ANKRD46: variants seen among roughly 807,000 people sequenced by gnomAD.
The protein encoded by ANKRD46 is ankyrin repeat domain-containing protein 46.
Under a neutral mutation model 19.8 loss-of-function variants are expected in ANKRD46, and 13 were observed. The ratio of observed to expected loss-of-function variants is 0.66; its 90% confidence interval spans 0.43 to 1.04. ANKRD46 has a LOEUF of 1.04. Among genes scored for constraint, ANKRD46 ranks in the 50% least tolerant of loss-of-function variants. ANKRD46 has a pLI of 0.00. For synonymous variants in ANKRD46, 91 were observed against 106.9 expected, an observed-to-expected ratio of 0.85 and a Z score of 0.92; for missense variants, 185 against 274.8, an observed-to-expected ratio of 0.67 and a Z score of 2.31.
At chr8:100,512,961 T>C (rs1344096940) in intron 5 of ANKRD46, among the ~76,000 whole-genome samples, 1 of 152,192 alleles carries the variant, frequency 6.6e-6, no homozygotes, top group African/African-American at 2.4e-5. Context: ...CTGGGCTCTA[T>C]TGAGGCTTTC....
At chr8:100,555,481 TAA>T (rs913208024) in intron 1 of ANKRD46, among the ~76,000 whole-genome samples, 4 of 135,926 alleles carry the variant, frequency 2.9e-5, no homozygotes, top group Non-Finnish European at 3.2e-5. Context: ...GGACTGGGAC[TAA>T]AAAAAAAAAG....
downstream of ANKRD46, among the ~76,000 whole-genome samples, chr8:100,519,801 C>T (rs1039218670): frequency 3.9e-5 from 6 of 152,260 alleles, no homozygotes; most frequent in African/African-American, 9.6e-5. Flanking sequence ...AAGCTACAGG[C>T]GCACTGTGGA....
At chr8:100,530,637 C>G (rs977641467) in intron 2 of ANKRD46, among the ~76,000 whole-genome samples, 5 of 152,114 alleles carry the variant, frequency 3.3e-5, no homozygotes, top group Non-Finnish European at 5.9e-5. Flanking sequence ...CCTGCCTTGG[C>G]CTTGCAAAAA....
rs113075891 is a variant in ANKRD46, at chr8:100,527,573, A to G, written c.470+272T>C. ...ACATGACATGTAGTACTTTCTGTTA[A>G]TAGCTTCTCAATTGTAATCTGCAGT... On this transcript the variant is annotated intron_variant, in intron 4 of 4. Coordinates refer to ENST00000335659, the MANE Select transcript of ANKRD46 (RefSeq NM_001270377.2). This position sits in a 1 kb window ranked among gnomAD's most constrained non-coding sequence, Gnocchi z 4.0. Among the ~76,000 whole-genome samples the G allele has an allele frequency of 4.7e-4, 72 of 152,366 alleles. No homozygotes were observed. The highest frequency in any genetic ancestry group is 1.7e-3 in the African/African-American group (71 of 41,586).
At chr8:100,547,039 G>A (rs1335830659) in intron 1 of ANKRD46, among the ~76,000 whole-genome samples, 1 of 152,214 alleles carries the variant, frequency 6.6e-6, no homozygotes, top group African/African-American at 2.4e-5. Context: ...ATAGGTGGAA[G>A]AGACTTGCCT....
chr8:100,514,933 C>T (rs1442080689), intron 5 of ANKRD46, among the ~76,000 whole-genome samples: 2 of 152,140 alleles, frequency 1.3e-5, no homozygotes, highest in East Asian at 3.9e-4. Context: ...AGCCACCACA[C>T]CCAGCCTTAT....
chr8:100,514,372 A>T (rs10090453), intron 5 of ANKRD46, among the ~76,000 whole-genome samples: 124,942 of 151,496 alleles, frequency 0.82, 52,078 homozygotes, highest in African/African-American at 0.88. Flanking sequence ...ATCTATTTTT[A>T]AAAAAAAAAT....
intron 2 of ANKRD46, among the ~76,000 whole-genome samples, chr8:100,530,069 A>G (rs551057940): frequency 2.6e-4 from 40 of 152,346 alleles, no homozygotes; most frequent in South Asian, 2.1e-4. Flanking sequence ...TAAAATTCCA[A>G]TTCAATTACT....
downstream of ANKRD46, among the ~76,000 whole-genome samples, chr8:100,516,713 T>TA (rs1811641150): frequency 6.6e-6 from 1 of 152,216 alleles, no homozygotes; most frequent in Admixed American, 6.5e-5. Flanking sequence ...CCTGATCAAT[T>TA]ACGCAACTCC....
rs1443736409 is a variant in ANKRD46, at chr8:100,543,614, A to C, written c.-130-10303T>G. Among the ~76,000 whole-genome samples the C allele has an allele frequency of 2.0e-5, 3 of 152,192 alleles. No individual in the cohort carries two copies. The highest frequency in any genetic ancestry group is 4.4e-5 in the Non-Finnish European group (3 of 68,020). On this transcript the variant is annotated intron_variant, in intron 1 of 4. Coordinates refer to ENST00000335659, the MANE Select transcript of ANKRD46 (RefSeq NM_001270377.2). This position sits in a 1 kb window ranked among gnomAD's most constrained non-coding sequence, Gnocchi z 4.2. Reference sequence around the variant, plus strand: ...CTTCACAGTCTTCAAACAATAGGAGAGTAAGTTTCTTGTTTTTAAATAAAT... The same window carrying C: ...CTTCACAGTCTTCAAACAATAGGAGCGTAAGTTTCTTGTTTTTAAATAAAT...
chr8:100,548,715 T>G (rs896515821), intron 1 of ANKRD46, among the ~76,000 whole-genome samples: 1 of 152,160 alleles, frequency 6.6e-6, no homozygotes, highest in Non-Finnish European at 1.5e-5. Flanking sequence ...TCAGTATAAA[T>G]GCTTAAGTAA....
Position 100,521,031 on chromosome 8 carries a change from C to G in ANKRD46, c.*1524G>C. The G allele has an allele frequency of 1.0e-6, 1 of 984,840 alleles. No homozygotes were observed. Among genetic ancestry groups the G allele is most frequent in the Non-Finnish European group, 1.2e-6 (1 of 829,856 alleles). 61.0% of individuals were successfully genotyped at this position (984,840 alleles called of 1,614,324 possible). Reference sequence around the variant, plus strand: ...CAGCTGTTTTTTGCTGGATTTACACCAACTATGATTTACTTTGTTTGTATC... The same window carrying G: ...CAGCTGTTTTTTGCTGGATTTACACGAACTATGATTTACTTTGTTTGTATC... On this transcript the variant is annotated 3_prime_UTR_variant, in exon 5 of 5. Transcript: ENST00000335659.
rs1439791219 is a variant in ANKRD46, at chr8:100,545,512, C to A, written c.-130-12201G>T. 6.6e-6 allele frequency among the ~76,000 whole-genome samples: 1 copy of A among 152,196 alleles called. No homozygotes were observed. The highest frequency in any genetic ancestry group is 1.5e-5 in the Non-Finnish European group (1 of 68,034). On this transcript the variant is annotated intron_variant, in intron 1 of 4. Coordinates refer to ENST00000335659, the MANE Select transcript of ANKRD46 (RefSeq NM_001270377.2). This position sits in a 1 kb window ranked among gnomAD's most constrained non-coding sequence, Gnocchi z 4.7. ...TCTAAGTTCCTTGAAGCCTCCCCAGCCATGTGGAACTGTGTATCAATTAAA... is the reference window on the plus strand; with the variant it reads ...TCTAAGTTCCTTGAAGCCTCCCCAGACATGTGGAACTGTGTATCAATTAAA...
Position 100,536,179 on chromosome 8 carries a change from A to G in ANKRD46, c.-130-2868T>C, listed in dbSNP as rs1314836478. On this transcript the variant is annotated intron_variant, in intron 1 of 4. Transcript: ENST00000335659. The surrounding 1 kb of genome is among the most constrained non-coding windows in gnomAD (Gnocchi z 4.9). The stretch of plus-strand genomic sequence containing the variant: ...CTAATAAAAGTGTGAATAATGAACC[A>G]GTAATCTTTCAAGATTCACTGAGGA... Among the ~76,000 whole-genome samples the G allele has an allele frequency of 1.3e-5, 2 of 152,206 alleles. No homozygotes were observed. The highest frequency in any genetic ancestry group is 2.9e-5 in the Non-Finnish European group (2 of 68,028).
In ANKRD46 at chr8:100,546,617, T is replaced by C. The variant is rs1289667974; in HGVS notation, c.-131+13094A>G. On this transcript the variant is annotated intron_variant, in intron 1 of 4. Coordinates refer to ENST00000335659, the MANE Select transcript of ANKRD46 (RefSeq NM_001270377.2). This position sits in a 1 kb window ranked among gnomAD's most constrained non-coding sequence, Gnocchi z 4.0. ...GGCAGTGTGGAAGGGAAATGTAGGG[T>C]TGGAGCCCCCACACAGAGTCCCCAC... Among the ~76,000 whole-genome samples the C allele has an allele frequency of 2.0e-5, 3 of 152,174 alleles. No individual in the cohort carries two copies. Among genetic ancestry groups the C allele is most frequent in the Non-Finnish European group, 4.4e-5 (3 of 68,020 alleles).
Position 100,510,253 on chromosome 8 carries a change from CT to C in ANKRD46, c.*323del. On this transcript the variant is annotated 3_prime_UTR_variant, in exon 6 of 6. Coordinates refer to the ANKRD46 transcript ENST00000520552. This position sits in a 1 kb window ranked among gnomAD's most constrained non-coding sequence, Gnocchi z 4.9. ...TTGTCATTTCAGACACCACGGCAGCCTTTTGTTCAAGATCAAATGGATGTGA... is the reference window on the plus strand; with the variant it reads ...TTGTCATTTCAGACACCACGGCAGCCTTTGTTCAAGATCAAATGGATGTGA... The C allele has an allele frequency of 3.5e-6, 1 of 287,290 alleles. No individual in the cohort carries two copies. The highest frequency in any genetic ancestry group is 6.4e-6 in the Non-Finnish European group (1 of 155,182). 17.8% of individuals were successfully genotyped at this position (287,290 alleles called of 1,614,324 possible). A position where few individuals can be genotyped will look rare whatever the true frequency, so the allele number is the denominator to read the frequency against.
At chr8:100,518,720 C>T (rs1265011126), downstream of ANKRD46, among the ~76,000 whole-genome samples, 3 of 151,904 alleles carry the variant, frequency 2.0e-5, no homozygotes, top group Non-Finnish European at 4.4e-5. Context: ...GGCGTGGTGG[C>T]ACGCCCCTGT....
chr8:100,549,736 T>C (rs1251045499), intron 1 of ANKRD46, among the ~76,000 whole-genome samples: 3 of 152,210 alleles, frequency 2.0e-5, no homozygotes, highest in Non-Finnish European at 4.4e-5. Flanking sequence ...GGGTTCACTC[T>C]TGGTGTTATA....
chr8:100,551,463 T>C, intron 1 of ANKRD46: 2 of 690,104 alleles, frequency 2.9e-6, no homozygotes, highest in Admixed American at 3.6e-5. Context: ...CCCCATTTGA[T>C]TTTGGTAGGA....
Sources: allele counts gnomAD v4.1 joint callset (sites outside exome capture counted in the v4.1 genomes callset), GRCh38; gene constraint gnomAD v4.1.1; non-coding constraint Gnocchi (gnomAD v3.1); transcripts MANE v1.5; gene names NCBI Gene and HGNC (gene_info 2026-07-23, HGNC 2026-07-21).